CLHC1: variants seen among roughly 807,000 people sequenced by gnomAD.
CLHC1 encodes clathrin heavy chain linker domain-containing protein 1.
Under a neutral mutation model 69.5 loss-of-function variants are expected in CLHC1, and 72 were observed. The observed-to-expected ratio is 1.04, with a 90% CI of 0.86 to 1.26. The LOEUF is 1.26. Among genes scored for constraint, CLHC1 ranks in the 50% most tolerant of loss-of-function variants. The pLI, the probability that CLHC1 is intolerant of heterozygous loss-of-function variation, is 0.00. For synonymous variants in CLHC1, 223 were observed against 224.3 expected, an observed-to-expected ratio of 0.99 and a Z score of 0.05; for missense variants, 790 against 679.3, an observed-to-expected ratio of 1.16 and a Z score of -1.81.
chr2:55,226,278 A>T (rs1354451457), intron 2 of CLHC1, among the ~76,000 whole-genome samples: 1 of 152,054 alleles, frequency 6.6e-6, no homozygotes, highest in Non-Finnish European at 1.5e-5. Context: ...CCTAAGATTT[A>T]GTCACATTAA....
In CLHC1 at chr2:55,181,754, G is replaced by A. The variant is rs1355814348; in HGVS notation, c.1007-10C>T. 9.3e-6 allele frequency: 15 copies of A among 1,604,640 alleles called. No homozygotes were observed. The highest frequency in any genetic ancestry group is 3.5e-5 in the Admixed American group (2 of 57,500). On this transcript the variant is annotated splice_polypyrimidine_tract_variant and intron_variant, in intron 9 of 12. Transcript: ENST00000401408. Reference sequence around the variant, plus strand: ...CTAATTTTTCCAACAGCTACAGAAAGGAGAAAATTTTCTGAGTCAAATACT... The same window carrying A: ...CTAATTTTTCCAACAGCTACAGAAAAGAGAAAATTTTCTGAGTCAAATACT...
chr2:55,212,948 T>C, intron 4 of CLHC1, 142 bp from the exon 5 acceptor site: 1 of 630,068 alleles, frequency 1.6e-6, no homozygotes, highest in Non-Finnish European at 2.8e-6. Context: ...TTATCTAGCC[T>C]CACAAATGAG....
At chr2:55,199,029 G>C (rs1391009649) in intron 9 of CLHC1, among the ~76,000 whole-genome samples, 2 of 152,144 alleles carry the variant, frequency 1.3e-5, no homozygotes, top group African/African-American at 2.4e-5. Flanking sequence ...AGGTGCAGTG[G>C]CTCATGCCTA....
rs745307708 is a variant in CLHC1, at chr2:55,181,622, C to A, written c.1129G>T (p.Gly377Ter). 1.2e-6 allele frequency: 2 copies of A among 1,612,988 alleles called. No homozygotes were observed. Among genetic ancestry groups the A allele is most frequent in the Non-Finnish European group, 1.7e-6 (2 of 1,179,664 alleles). The change falls in exon 10 of 13, where the codon GGA (glycine) becomes TGA (stop). Residue 377 changes from glycine to a stop codon, truncating the protein, a stop_gained. Transcript: ENST00000401408. LOFTEE classifies it high-confidence loss of function. Reference protein sequence around the residue: ...AALTLEGIKCGLSEKRLDLVT... With the variant: ...AALTLEGIKC Reference sequence around the variant, plus strand: ...AAATCTAACCGTTTTTCTGATAATCCACATTTGATTCCTTCCAGGGTTAGA... The same window carrying A: ...AAATCTAACCGTTTTTCTGATAATCAACATTTGATTCCTTCCAGGGTTAGA...
chr2:55,187,255 G>A (rs1392688796), intron 9 of CLHC1, among the ~76,000 whole-genome samples: 6 of 148,018 alleles, frequency 4.1e-5, no homozygotes, highest in South Asian at 4.2e-4. Context: ...CTCCAGCTTC[G>A]GCAACAAGAG....
chr2:55,204,471 G>A (rs1454011014), intron 9 of CLHC1, among the ~76,000 whole-genome samples: 2 of 152,174 alleles, frequency 1.3e-5, no homozygotes, highest in Admixed American at 6.5e-5. Context: ...AATAAGAAAT[G>A]CTGGCAAGAA....
rs1256388651 is a variant in CLHC1, at chr2:55,174,893, A to G, written c.*897T>C. On this transcript the variant is annotated 3_prime_UTR_variant, in exon 13 of 13. Transcript: ENST00000401408. ...CTCCCAAAGTGCTGGGATTACAGAC[A>G]TGAGCTACCTTGCCCAGCCAGCAGC... 6.6e-6 allele frequency: 1 copy of G among 152,100 alleles called. No homozygotes were observed. The highest frequency in any genetic ancestry group is 1.9e-4 in the East Asian group (1 of 5,194). 9.4% of individuals were successfully genotyped at this position (152,100 alleles called of 1,614,324 possible).
chr2:55,188,631 C>T (rs1330835304), intron 9 of CLHC1, among the ~76,000 whole-genome samples: 1 of 151,770 alleles, frequency 6.6e-6, no homozygotes, highest in African/African-American at 2.4e-5. Flanking sequence ...ATACATGCAC[C>T]AGGATATATT....
intron 9 of CLHC1, among the ~76,000 whole-genome samples, chr2:55,189,227 T>C (rs1352637874): frequency 2.0e-5 from 3 of 151,940 alleles, no homozygotes; most frequent in Non-Finnish European, 4.4e-5. Context: ...AACTACTCAA[T>C]TAACACAATA....
At chr2:55,196,056 G>A (rs775198583) in intron 9 of CLHC1, among the ~76,000 whole-genome samples, 2 of 152,056 alleles carry the variant, frequency 1.3e-5, no homozygotes, top group Non-Finnish European at 2.9e-5. Context: ...GTAGGACTTC[G>A]CATCCGAACT....
intron 9 of CLHC1, among the ~76,000 whole-genome samples, chr2:55,203,601 T>A (rs1340235879): frequency 6.6e-6 from 1 of 152,156 alleles, no homozygotes; most frequent in African/African-American, 2.4e-5. Flanking sequence ...GAAAACTGGA[T>A]ATCCATATGC....
At chr2:55,208,925 C>T (rs1272505915) in intron 7 of CLHC1, among the ~76,000 whole-genome samples, 1 of 138,092 alleles carries the variant, frequency 7.2e-6, no homozygotes, top group African/African-American at 2.7e-5. Context: ...GGCTGGAGTG[C>T]AGTGGCCCTA....
At chr2:55,177,118 C>T (rs1009194528) in intron 12 of CLHC1, among the ~76,000 whole-genome samples, 2 of 152,174 alleles carry the variant, frequency 1.3e-5, no homozygotes, top group Admixed American at 1.3e-4. Flanking sequence ...AGCGATCCAC[C>T]CGCCTCAGCC....
intron 8 of CLHC1, 46 bp from the exon 9 acceptor site, chr2:55,206,422 AAG>A (rs1672454411): frequency 9.1e-7 from 1 of 1,096,538 alleles, no homozygotes; most frequent in Non-Finnish European, 1.4e-6. Flanking sequence ...CACAAAGAAA[AAG>A]AGAAAAAACT....
intron 12 of CLHC1, 51 bp from the exon 13 acceptor site, chr2:55,176,037 T>C (rs1287990601): frequency 1.4e-6 from 2 of 1,421,610 alleles, no homozygotes; most frequent in Non-Finnish European, 1.9e-6. Flanking sequence ...TGATAATCTA[T>C]ACTTTAGTGA....
chr2:55,219,808 C>G (rs1673938538), intron 3 of CLHC1, among the ~76,000 whole-genome samples: 1 of 152,172 alleles, frequency 6.6e-6, no homozygotes. Context: ...CACCTCAGCT[C>G]CTCCATATGG....
At chr2:55,208,931 C>A (rs1443755014) in intron 7 of CLHC1, among the ~76,000 whole-genome samples, 1 of 148,014 alleles carries the variant, frequency 6.8e-6, no homozygotes, top group Non-Finnish European at 1.5e-5. Context: ...AGTGCAGTGG[C>A]CCTATCTTGG....
chr2:55,212,782 G>A lies in CLHC1; in HGVS notation c.390C>T (p.Ser130=), dbSNP rs887919046. ...EAKMRIIESN[S]SKIQSQIDHI... is the part of the protein sequence containing the mutation. Reference sequence around the variant, plus strand: ...GATCTATTTGAGATTGAATCTTCGAGGAATTACTTTCGATAATCCTCATTC... The same window carrying A: ...GATCTATTTGAGATTGAATCTTCGAAGAATTACTTTCGATAATCCTCATTC... Residue 130 remains serine (S), a synonymous_variant, in exon 5 of 13, where the codon TCC becomes TCT. Transcript: ENST00000401408. 75 of 1,603,274 alleles carry A rather than the reference G, an allele frequency of 4.7e-5. No individual in the cohort carries two copies. Among genetic ancestry groups the A allele is most frequent in the Admixed American group, 1.0e-4 (6 of 59,940 alleles).
chr2:55,188,375 A>C (rs1470875066), intron 9 of CLHC1, among the ~76,000 whole-genome samples: 1 of 152,202 alleles, frequency 6.6e-6, no homozygotes, highest in East Asian at 1.9e-4. Flanking sequence ...ACTGGTAATG[A>C]GGCAAGTTCA....
Sources: gnomAD v4.1 joint callset for allele counts (sites outside exome capture counted in the v4.1 genomes callset) on GRCh38, gnomAD v4.1.1 for gene constraint, MANE v1.5 for transcripts, NCBI Gene and HGNC (gene_info 2026-07-23, HGNC 2026-07-21) for gene names.